Variants in ZMIZ1 observed in about 807,000 individuals in gnomAD.
The protein encoded by ZMIZ1 is zinc finger MIZ domain-containing protein 1.
A neutral mutation model predicts 113.9 loss-of-function variants in ZMIZ1; 17 were observed. The ratio of observed to expected loss-of-function variants is 0.15; its 90% confidence interval spans 0.10 to 0.22. The LOEUF is 0.22. Among genes scored for constraint, ZMIZ1 ranks in the 10% least tolerant of loss-of-function variants. The pLI, the probability that ZMIZ1 is intolerant of heterozygous loss-of-function variation, is 1.00. For missense variants in ZMIZ1, 1,059 were observed against 1,477.8 expected (o/e 0.72, Z 4.65); for synonymous variants, 607 against 603.1 (o/e 1.01, Z -0.09).
intron 7 of ZMIZ1, among the ~76,000 whole-genome samples, chr10:79,227,260 T>G (rs1589448738): frequency 6.6e-6 from 1 of 152,344 alleles, no homozygotes; most frequent in Middle Eastern, 3.4e-3. Flanking sequence ...GACAATGATT[T>G]GTCCTTGCTG....
intron 3 of ZMIZ1, among the ~76,000 whole-genome samples, chr10:79,153,892 C>T (rs937599655): frequency 6.6e-6 from 1 of 152,228 alleles, no homozygotes; most frequent in Non-Finnish European, 1.5e-5. Flanking sequence ...CTGGCCTGGC[C>T]CACGTGTGGC....
intron 7 of ZMIZ1, among the ~76,000 whole-genome samples, chr10:79,232,086 G>T (rs965425289): frequency 6.6e-6 from 1 of 152,206 alleles, no homozygotes; most frequent in Non-Finnish European, 1.5e-5. Context: ...CTTTAGAGCT[G>T]TGTGACTTTA....
chr10:79,313,116 C>G lies in ZMIZ1; in HGVS notation c.*367C>G, dbSNP rs1855309896. On this transcript the variant is annotated 3_prime_UTR_variant, in exon 25 of 25. Transcript: ENST00000334512. ...ATTCCAGATGACCTTCCAGTGTCCC[C>G]AAGGTTCTTCCATCTTCTAGACTGT... The G allele has an allele frequency of 4.2e-6, 1 of 236,390 alleles. No individual in the cohort carries two copies. The highest frequency in any genetic ancestry group is 2.2e-5 in the African/African-American group (1 of 44,512). The allele number at this position is 236,390 out of a possible 1,614,324, so 14.6% of individuals were successfully genotyped here.
chr10:79,187,508 G>C (rs1012843664), intron 4 of ZMIZ1, among the ~76,000 whole-genome samples: 1 of 152,186 alleles, frequency 6.6e-6, no homozygotes, highest in African/African-American at 2.4e-5. Flanking sequence ...TCGATGGGAT[G>C]ATGTATGCAA....
At chr10:79,231,808 C>T (rs564090922) in intron 7 of ZMIZ1, among the ~76,000 whole-genome samples, 1 of 152,132 alleles carries the variant, frequency 6.6e-6, no homozygotes, top group East Asian at 1.9e-4. Flanking sequence ...GAACTCCTGA[C>T]CTCAGGTGAT....
At chr10:79,238,976 A>AG (rs1426879672) in intron 7 of ZMIZ1, among the ~76,000 whole-genome samples, 1 of 152,056 alleles carries the variant, frequency 6.6e-6, no homozygotes, top group Non-Finnish European at 1.5e-5. Context: ...TGGACACAGG[A>AG]GGGGTTCTGA....
chr10:79,179,810 A>G (rs764768672), intron 4 of ZMIZ1, among the ~76,000 whole-genome samples: 1 of 152,238 alleles, frequency 6.6e-6, no homozygotes, highest in Non-Finnish European at 1.5e-5. Context: ...TCAGGCCCAC[A>G]AGGGGGCAGA....
intron 6 of ZMIZ1, among the ~76,000 whole-genome samples, chr10:79,213,126 C>A (rs893081359): frequency 3.9e-5 from 6 of 152,188 alleles, no homozygotes; most frequent in African/African-American, 1.4e-4. Flanking sequence ...GCCACTCACA[C>A]TGGCCTTTAT....
At position 79,277,206 on chromosome 10, in the gene ZMIZ1, G is replaced by C; in HGVS notation, c.306G>C (p.Glu102Asp). Residue 102 changes from glutamate to aspartate, a missense_variant, in exon 8 of 25, where the codon GAG becomes GAC. By Grantham distance (45) the Glu-to-Asp change is conservative. This residue lies in a region of ZMIZ1 where 272 missense variants were observed against 350.4 expected (regional missense o/e 0.78). Coordinates refer to ENST00000334512, the MANE Select transcript of ZMIZ1 (RefSeq NM_020338.4). ...CCTTGTTGTCCTCCTGGTGCGAAGA[G>C]CTCGGCCGCCTGCTGCTGCTCCGAC... is the stretch of plus-strand genomic sequence containing the variant. ...SAALLSSWCEELGRLLLLRHQ... is the reference protein window; with the variant it reads ...SAALLSSWCEDLGRLLLLRHQ... 6.4e-7 allele frequency: 1 copy of C among 1,572,458 alleles called. No individual in the cohort carries two copies. Among genetic ancestry groups the C allele is most frequent in the Non-Finnish European group, 8.6e-7 (1 of 1,159,046 alleles).
At chr10:79,121,804 G>A (rs1213366199) in intron 2 of ZMIZ1, among the ~76,000 whole-genome samples, 1 of 152,148 alleles carries the variant, frequency 6.6e-6, no homozygotes, top group Non-Finnish European at 1.5e-5. Context: ...GGAAAGAGGA[G>A]AAATTTGCTA....
intron 1 of ZMIZ1, among the ~76,000 whole-genome samples, chr10:79,077,766 T>C: frequency 6.6e-6 from 1 of 152,232 alleles, no homozygotes; most frequent in Non-Finnish European, 1.5e-5. Flanking sequence ...TTACTAGTGG[T>C]GTAGTAATAA....
intron 1 of ZMIZ1, among the ~76,000 whole-genome samples, chr10:79,082,052 G>A (rs1009600031): frequency 2.2e-4 from 33 of 152,264 alleles, no homozygotes; most frequent in African/African-American, 7.0e-4. Context: ...AGCCCTGCCT[G>A]TTACTCCACA....
intron 1 of ZMIZ1, among the ~76,000 whole-genome samples, chr10:79,086,009 TC>T (rs1488787417): frequency 6.6e-6 from 1 of 152,170 alleles, no homozygotes; most frequent in Non-Finnish European, 1.5e-5. Context: ...CTCTCTGCCC[TC>T]TGTGCATTGA....
intron 4 of ZMIZ1, among the ~76,000 whole-genome samples, chr10:79,199,505 C>CAA (rs200025729): frequency 1.1e-4 from 15 of 142,676 alleles, no homozygotes; most frequent in African/African-American, 3.8e-4. Context: ...AACTCCATCT[C>CAA]AAAAAAAAAA....
chr10:79,146,044 C>A (rs1845467534), intron 3 of ZMIZ1, among the ~76,000 whole-genome samples: 1 of 152,166 alleles, frequency 6.6e-6, no homozygotes, highest in African/African-American at 2.4e-5. Flanking sequence ...CTTGGCCATG[C>A]CTTTCATTTT....
At chr10:79,287,557 C>T (rs1042940041) in intron 8 of ZMIZ1, among the ~76,000 whole-genome samples, 7 of 152,240 alleles carry the variant, frequency 4.6e-5, no homozygotes, top group African/African-American at 1.7e-4. Flanking sequence ...CCTATTTGAC[C>T]AAGATCCACG....
chr10:79,128,273 G>A lies in ZMIZ1; in HGVS notation c.-227+9249G>A, dbSNP rs376337474. Among the ~76,000 whole-genome samples, 20 of 152,278 alleles carry A rather than the reference G, an allele frequency of 1.3e-4. No homozygotes were observed. The East Asian group carries it at 2.5e-3, about 19-fold the overall frequency. On this transcript the variant is annotated intron_variant, in intron 2 of 24. Coordinates refer to ENST00000334512, the MANE Select transcript of ZMIZ1 (RefSeq NM_020338.4). ...GAGAGGGGGCTCTGCCCTCCTTGGAGTTTTCTAGTACTCACCTCTCCCTGC... is the reference window on the plus strand; with the variant it reads ...GAGAGGGGGCTCTGCCCTCCTTGGAATTTTCTAGTACTCACCTCTCCCTGC...
chr10:79,229,187 G>A (rs1313816664), intron 7 of ZMIZ1, among the ~76,000 whole-genome samples: 2 of 152,176 alleles, frequency 1.3e-5, no homozygotes, highest in South Asian at 2.1e-4. Context: ...GACAAGGTGC[G>A]GCCCAGGCAA....
intron 1 of ZMIZ1, among the ~76,000 whole-genome samples, chr10:79,110,564 G>A (rs532559902): frequency 6.6e-6 from 1 of 152,372 alleles, no homozygotes; most frequent in East Asian, 1.9e-4. Flanking sequence ...AGTTGGTACT[G>A]ATGTTGGCCG....
Sources: gnomAD v4.1 joint callset for allele counts (sites outside exome capture counted in the v4.1 genomes callset) on GRCh38, gnomAD v4.1.1 for gene constraint, gnomAD v4.1.1 regional missense constraint, MANE v1.5 for transcripts, NCBI Gene and HGNC (gene_info 2026-07-23, HGNC 2026-07-21) for gene names.